DCDC1: variants seen among roughly 807,000 people sequenced by gnomAD.
DCDC1 encodes doublecortin domain containing 1.
Under a neutral mutation model 178.3 loss-of-function variants are expected in DCDC1, and 200 were observed. That is an observed-to-expected ratio of 1.12 (90% CI 1.00 to 1.26). The LOEUF is 1.26. DCDC1 is among the 50% of genes most tolerant of loss of function. DCDC1 has a pLI of 0.00. For synonymous variants in DCDC1, 690 were observed against 604.8 expected, an observed-to-expected ratio of 1.14 and a Z score of -2.07; for missense variants, 1,983 against 1,749.2, an observed-to-expected ratio of 1.13 and a Z score of -2.38.
intron 9 of DCDC1, among the ~76,000 whole-genome samples, chr11:31,196,107 G>A (rs1258137767): frequency 6.6e-6 from 1 of 151,842 alleles, no homozygotes; most frequent in Non-Finnish European, 1.5e-5. Flanking sequence ...TTTCCTTCCT[G>A]TTGGATGAAA....
intron 17 of DCDC1, among the ~76,000 whole-genome samples, chr11:31,078,325 G>T (rs560780836): frequency 3.2e-4 from 49 of 152,210 alleles, no homozygotes; most frequent in African/African-American, 1.2e-3. Context: ...TGGAAAATTA[G>T]GAACCTCACG....
chr11:31,170,699 T>C (rs189239139), intron 9 of DCDC1, among the ~76,000 whole-genome samples: 17 of 152,330 alleles, frequency 1.1e-4, no homozygotes, highest in African/African-American at 3.8e-4. Flanking sequence ...TAAAAGCAAA[T>C]GGTCCTCAGC....
At chr11:31,159,242 T>C (rs576339952) in intron 9 of DCDC1, among the ~76,000 whole-genome samples, 2 of 152,326 alleles carry the variant, frequency 1.3e-5, no homozygotes, top group African/African-American at 4.8e-5. Context: ...AAAGTCTGAA[T>C]TGATAGATTA....
intron 20 of DCDC1, among the ~76,000 whole-genome samples, chr11:31,012,617 A>AG (rs1952241906): frequency 6.6e-6 from 1 of 151,906 alleles, no homozygotes; most frequent in South Asian, 2.1e-4. Context: ...CAAAAAAAAA[A>AG]AAAAGAAAAG....
intron 21 of DCDC1, among the ~76,000 whole-genome samples, chr11:30,950,761 G>C (rs1246438551): frequency 6.6e-6 from 1 of 152,038 alleles, no homozygotes; most frequent in Non-Finnish European, 1.5e-5. Flanking sequence ...CAAAACTACA[G>C]TTTAGATAGA....
At chr11:31,237,272 T>G (rs1280462351) in intron 9 of DCDC1, among the ~76,000 whole-genome samples, 1 of 151,898 alleles carries the variant, frequency 6.6e-6, no homozygotes, top group East Asian at 1.9e-4. Flanking sequence ...AAAATACATT[T>G]CAATTTTAAA....
chr11:31,104,015 G>T (rs1264278614), intron 13 of DCDC1, among the ~76,000 whole-genome samples: 6 of 152,006 alleles, frequency 3.9e-5, no homozygotes, highest in African/African-American at 4.8e-5. Context: ...AATAATAATT[G>T]CAATAATTAA....
At chr11:31,012,082 C>T (rs909088744) in intron 20 of DCDC1, among the ~76,000 whole-genome samples, 6 of 152,078 alleles carry the variant, frequency 3.9e-5, no homozygotes, top group African/African-American at 1.2e-4. Flanking sequence ...CTGCTCCAGC[C>T]GTGTAAGACA....
intron 9 of DCDC1, among the ~76,000 whole-genome samples, chr11:31,175,208 C>A (rs1464412801): frequency 6.6e-6 from 1 of 152,164 alleles, no homozygotes; most frequent in Non-Finnish European, 1.5e-5. Context: ...TTGCAGGATG[C>A]CTGGTTCAGC....
chr11:30,880,464 A>G (rs572417623), intron 37 of DCDC1, among the ~76,000 whole-genome samples: 2 of 152,314 alleles, frequency 1.3e-5, no homozygotes, highest in South Asian at 4.1e-4. Context: ...TAATAATTTT[A>G]TGGTGACTTC....
chr11:31,136,688 T>C (rs1168975604), intron 10 of DCDC1, among the ~76,000 whole-genome samples: 1 of 152,184 alleles, frequency 6.6e-6, no homozygotes, highest in Non-Finnish European at 1.5e-5. Context: ...CAGTGGTACA[T>C]AGAAATTAGA....
At position 30,864,753 on chromosome 11, in the gene DCDC1, T is replaced by TA. The variant is rs1940845374; in HGVS notation, c.*619_*620insT. The stretch of plus-strand genomic sequence containing the variant: ...AACATGCAGTCAGTGTATATGCTTT[T>TA]TTTTTTCCAATAAGCCACACGATAA... On this transcript the variant is annotated 3_prime_UTR_variant, in exon 39 of 39. Coordinates refer to ENST00000684477, the MANE Select transcript of DCDC1 (RefSeq NM_001387274.1). The TA allele has an allele frequency of 6.6e-6, 1 of 151,566 alleles. No individual in the cohort carries two copies. The highest frequency in any genetic ancestry group is 2.4e-5 in the African/African-American group (1 of 41,280). 9.4% of individuals were successfully genotyped at this position (151,566 alleles called of 1,614,324 possible).
In DCDC1 at chr11:30,911,387, C is replaced by G. The variant is rs760278692; in HGVS notation, c.3687G>C (p.Val1229=). The G allele has an allele frequency of 6.2e-6, 10 of 1,604,392 alleles. No homozygotes were observed. In the Admixed American group the frequency reaches 1.5e-4, roughly 25 times the overall value. ...TFHLVSNPDL[V]LAVSMTKTRN... is the part of the protein sequence containing the mutation. ...TAGTCTTGGTCATAGACACTGCCAG[C>G]ACAAGGTCAGGGTTACTCACAAGGT... Residue 1229 remains valine (V), a synonymous_variant, in exon 28 of 39, where the codon GTG becomes GTC. Coordinates refer to ENST00000684477, the MANE Select transcript of DCDC1 (RefSeq NM_001387274.1).
intron 27 of DCDC1, among the ~76,000 whole-genome samples, chr11:30,913,610 T>C (rs1945615552): frequency 6.6e-6 from 1 of 152,068 alleles, no homozygotes; most frequent in African/African-American, 2.4e-5. Context: ...TGTCTTGACA[T>C]GAGGAGCTCC....
At chr11:31,149,339 T>A (rs1964864811) in intron 9 of DCDC1, among the ~76,000 whole-genome samples, 1 of 152,158 alleles carries the variant, frequency 6.6e-6, no homozygotes, top group Non-Finnish European at 1.5e-5. Flanking sequence ...ATCAGTGCTC[T>A]GTGTCTAGCT....
intron 9 of DCDC1, among the ~76,000 whole-genome samples, chr11:31,212,195 A>T (rs1972627457): frequency 6.6e-6 from 1 of 152,124 alleles, no homozygotes; most frequent in African/African-American, 2.4e-5. Context: ...AACTCCCAAC[A>T]CAATTGCAAA....
At chr11:30,865,895 G>A (rs1940938646) in intron 38 of DCDC1, among the ~76,000 whole-genome samples, 1 of 152,162 alleles carries the variant, frequency 6.6e-6, no homozygotes, top group African/African-American at 2.4e-5. Flanking sequence ...AAGAAGGCTT[G>A]TGTGGGTGAG....
At chr11:30,888,050 GAAAGAA>G (rs1943348856) in intron 36 of DCDC1, among the ~76,000 whole-genome samples, 2 of 73,968 alleles carry the variant, frequency 2.7e-5, no homozygotes, top group Non-Finnish European at 5.4e-5. Context: ...AAGAAAGAAA[GAAAGAA>G]AGAAAGAGAG....
At chr11:31,108,941 C>T (rs886065473) in intron 12 of DCDC1, among the ~76,000 whole-genome samples, 7 of 152,116 alleles carry the variant, frequency 4.6e-5, no homozygotes, top group African/African-American at 1.4e-4. Context: ...GATTGAAACA[C>T]GTGTCCACAC....
Sources: gnomAD v4.1 joint callset for allele counts (sites outside exome capture counted in the v4.1 genomes callset) on GRCh38, gnomAD v4.1.1 for gene constraint, MANE v1.5 for transcripts, NCBI Gene and HGNC (gene_info 2026-07-23, HGNC 2026-07-21) for gene names.